The following PTPRD variants were observed in gnomAD, a reference collection of about 807,000 sequenced individuals.
PTPRD encodes the protein protein tyrosine phosphatase receptor type D, also known as receptor-type tyrosine-protein phosphatase delta.
Under a neutral mutation model 214.5 loss-of-function variants are expected in PTPRD, and 34 were observed. The observed-to-expected ratio is 0.16, with a 90% CI of 0.12 to 0.21. PTPRD has a LOEUF of 0.21. Ranked by LOEUF, PTPRD falls within the 10% of genes least tolerant of loss-of-function variation. PTPRD has a pLI of 1.00. For synonymous variants in PTPRD, 1,128 were observed against 845.7 expected (o/e 1.33, Z -5.79); for missense variants, 2,545 against 2,398.7 (o/e 1.06, Z -1.27).
intron 14 of PTPRD, among the ~76,000 whole-genome samples, chr9:8,589,444 A>G (rs1227642285): frequency 1.3e-5 from 2 of 152,238 alleles, no homozygotes; most frequent in African/African-American, 4.8e-5. Context: ...TTGATTCTTT[A>G]TAAATGTATT....
chr9:9,818,550 G>A (rs1317221327), intron 5 of PTPRD, among the ~76,000 whole-genome samples: 2 of 152,100 alleles, frequency 1.3e-5, no homozygotes, highest in Non-Finnish European at 1.5e-5. Context: ...GATAGAAAGA[G>A]GCAGACGATT....
chr9:9,790,066 A>T (rs2098956598), intron 5 of PTPRD, among the ~76,000 whole-genome samples: 1 of 152,122 alleles, frequency 6.6e-6, no homozygotes, highest in Non-Finnish European at 1.5e-5. Flanking sequence ...CCTCTTTCTA[A>T]TCTGGTCCCA....
intron 11 of PTPRD, among the ~76,000 whole-genome samples, chr9:8,911,176 A>C (rs1005914249): frequency 3.3e-5 from 5 of 152,178 alleles, no homozygotes; most frequent in African/African-American, 1.2e-4. Flanking sequence ...AAGAACAACA[A>C]AGTTGAAGGA....
chr9:9,542,911 A>C (rs1176537712), intron 8 of PTPRD, among the ~76,000 whole-genome samples: 2 of 151,706 alleles, frequency 1.3e-5, no homozygotes, highest in African/African-American at 4.8e-5. Flanking sequence ...ACTGCTTGCC[A>C]CTTCGTTATA....
intron 11 of PTPRD, among the ~76,000 whole-genome samples, chr9:8,989,102 T>G (rs2099356516): frequency 6.6e-6 from 1 of 152,090 alleles, no homozygotes; most frequent in South Asian, 2.1e-4. Context: ...ATATGATAGT[T>G]GTATATATTT....
At chr9:8,682,637 T>C (rs893616088) in intron 12 of PTPRD, among the ~76,000 whole-genome samples, 1 of 152,200 alleles carries the variant, frequency 6.6e-6, no homozygotes, top group Non-Finnish European at 1.5e-5. Flanking sequence ...GTTATCCTAG[T>C]GTAGCAGGTG....
chr9:8,502,457 T>G (rs953264000), intron 23 of PTPRD, among the ~76,000 whole-genome samples: 8 of 152,034 alleles, frequency 5.3e-5, no homozygotes, highest in Admixed American at 3.3e-4. Context: ...GTGCCTTGTG[T>G]TCATTATTAC....
At chr9:9,658,554 G>C (rs2096564648) in intron 7 of PTPRD, among the ~76,000 whole-genome samples, 1 of 152,050 alleles carries the variant, frequency 6.6e-6, no homozygotes, top group South Asian at 2.1e-4. Flanking sequence ...AAGCAGCCTC[G>C]ATCTCTCCAA....
intron 3 of PTPRD, among the ~76,000 whole-genome samples, chr9:10,294,959 A>G (rs2095632756): frequency 1.3e-5 from 2 of 150,666 alleles, no homozygotes; most frequent in Admixed American, 1.3e-4. Flanking sequence ...TATAATATCA[A>G]TTTACCATAG....
chr9:9,923,403 T>C (rs1399777133), intron 5 of PTPRD, among the ~76,000 whole-genome samples: 3 of 135,160 alleles, frequency 2.2e-5, no homozygotes, highest in African/African-American at 6.3e-5. Flanking sequence ...GGCTGATTAA[T>C]CATTAAAAAA....
chr9:9,446,002 T>A (rs1208293487), intron 8 of PTPRD, among the ~76,000 whole-genome samples: 2 of 152,328 alleles, frequency 1.3e-5, no homozygotes, highest in Admixed American at 6.5e-5. Context: ...TTAATTCAAC[T>A]GAATTTAAAG....
chr9:10,535,396 A>C (rs1290942452), intron 2 of PTPRD, among the ~76,000 whole-genome samples: 1 of 152,156 alleles, frequency 6.6e-6, no homozygotes, highest in Non-Finnish European at 1.5e-5. Context: ...TTTGGGGCTG[A>C]TTCATTAGAA....
chr9:10,024,878 G>A (rs1218594862), intron 4 of PTPRD, among the ~76,000 whole-genome samples: 2 of 149,178 alleles, frequency 1.3e-5, no homozygotes, highest in Non-Finnish European at 3.0e-5. Context: ...AGAACATGCG[G>A]TGTTTGGTTT....
Position 8,486,285 on chromosome 9 carries a change from G to A in PTPRD, c.2532C>T (p.His844=), listed in dbSNP as rs373774067. 3.1e-6 allele frequency: 5 copies of A among 1,614,040 alleles called. No individual in the cohort carries two copies. In the African/African-American group the frequency reaches 4.0e-5, roughly 13 times the overall value. ...GAGGTCCAAATGTGTCCACCGGAGG[G>A]TGCCACTGAATAAGAGCAGTATTCA... The part of the protein sequence containing the change: ...TQMNTALIQW[H]PPVDTFGPLQ... Residue 844 remains histidine (H), a synonymous_variant, in exon 28 of 46, where the codon CAC becomes CAT. Coordinates refer to ENST00000381196, the MANE Select transcript of PTPRD (RefSeq NM_002839.4).
rs188594722 is a variant in PTPRD at position 8,333,524 on chromosome 9, A to C, written c.5380-1788T>G. ...AATGCTGAGAGATTATGTCACCACC[A>C]GGCCTGCCTTACAAGAGCTCCTGAA... is the stretch of plus-strand genomic sequence containing the variant. On this transcript the variant is annotated intron_variant, in intron 43 of 45. Coordinates refer to ENST00000381196, the MANE Select transcript of PTPRD (RefSeq NM_002839.4). Among the ~76,000 whole-genome samples the C allele has an allele frequency of 5.3e-3, 801 of 152,318 alleles. 4 individuals carry two copies. Among genetic ancestry groups the C allele is most frequent in the South Asian group, 0.021 (102 of 4,830 alleles).
intron 8 of PTPRD, among the ~76,000 whole-genome samples, chr9:9,423,811 C>T (rs925763227): frequency 1.3e-5 from 2 of 151,896 alleles, no homozygotes; most frequent in Non-Finnish European, 2.9e-5. Context: ...AAACATAAAG[C>T]AGTACAAAAT....
At chr9:10,482,103 G>T (rs573152617) in intron 2 of PTPRD, among the ~76,000 whole-genome samples, 9 of 152,162 alleles carry the variant, frequency 5.9e-5, no homozygotes, top group Non-Finnish European at 1.2e-4. Context: ...CGGGCGCGGT[G>T]GCTCACGCCT....
intron 14 of PTPRD, among the ~76,000 whole-genome samples, chr9:8,608,892 A>T (rs1273550709): frequency 1.3e-5 from 2 of 152,282 alleles, no homozygotes; most frequent in East Asian, 3.9e-4. Flanking sequence ...AAAGAGAGTG[A>T]ATCAGCACAA....
chr9:8,859,338 C>CTGTGT (rs2098044456), intron 11 of PTPRD, among the ~76,000 whole-genome samples: 1 of 152,184 alleles, frequency 6.6e-6, no homozygotes, highest in Admixed American at 6.5e-5. Flanking sequence ...CTAAGGTGCA[C>CTGTGT]TGTGTGTATT....
Sources: gnomAD v4.1 joint callset for allele counts (sites outside exome capture counted in the v4.1 genomes callset) on GRCh38, gnomAD v4.1.1 for gene constraint, MANE v1.5 for transcripts, NCBI Gene and HGNC (gene_info 2026-07-23, HGNC 2026-07-21) for gene names.